IQCB1: variants seen among roughly 807,000 people sequenced by gnomAD.
IQCB1 encodes the protein IQ calmodulin-binding motif-containing protein 1.
IQCB1 carries 56 observed loss-of-function variants against 84.4 expected under a neutral mutation model. That is an observed-to-expected ratio of 0.66 (90% CI 0.54 to 0.83). The LOEUF (loss-of-function observed/expected upper bound fraction) is 0.83, where lower values mean the gene tolerates loss of function less well. IQCB1 is among the 40% of genes least tolerant of loss of function. The pLI is 0.00. For synonymous variants in IQCB1, 210 were observed against 234.8 expected, an observed-to-expected ratio of 0.89 and a Z score of 0.96; for missense variants, 629 against 682.1, an observed-to-expected ratio of 0.92 and a Z score of 0.87.
chr3:121,771,971 C>T (rs9681049), intron 14 of IQCB1, among the ~76,000 whole-genome samples: 42,310 of 151,762 alleles, frequency 0.28, 6,434 homozygotes, highest in Admixed American at 0.44. Flanking sequence ...GTCAAGAGAT[C>T]GAGACCATCC....
intron 13 of IQCB1, 55 bp from the exon 14 acceptor site, chr3:121,772,768 C>T (rs1948055887): frequency 3.2e-6 from 5 of 1,552,120 alleles, no homozygotes; most frequent in Middle Eastern, 1.8e-4. Flanking sequence ...TATCAAAGTA[C>T]CCAACCACTT....
At chr3:121,771,644 G>A (rs541116668) in intron 14 of IQCB1, among the ~76,000 whole-genome samples, 136 of 152,198 alleles carry the variant, frequency 8.9e-4, no homozygotes, top group Non-Finnish European at 1.5e-3. Flanking sequence ...TTTATTTAAA[G>A]AATAGAAACT....
At position 121,771,986 on chromosome 3, in the gene IQCB1, C is replaced by T. The variant is rs1433972870; in HGVS notation, c.1567+571G>A. ...GTCAAGAGATCGAGACCATCCTGGC[C>T]AACATGGTGAAACTCCGTCTCTACT... On this transcript the variant is annotated intron_variant, in intron 14 of 14. Coordinates refer to ENST00000310864, the MANE Select transcript of IQCB1 (RefSeq NM_001023570.4). Among the ~76,000 whole-genome samples, 3 of 152,094 alleles carry T rather than the reference C, an allele frequency of 2.0e-5. No homozygotes were observed. In the East Asian group the frequency reaches 5.8e-4, roughly 30 times the overall value.
At chr3:121,807,261 G>C in intron 7 of IQCB1, 83 bp downstream of exon 7, 1 of 760,228 alleles carries the variant, frequency 1.3e-6, no homozygotes, top group East Asian at 2.5e-5. Flanking sequence ...AATCATATGC[G>C]GTCAATTTTA....
chr3:121,782,070 C>G (rs1948519462), intron 12 of IQCB1, among the ~76,000 whole-genome samples, 196 bp from the exon 13 acceptor site: 1 of 151,884 alleles, frequency 6.6e-6, no homozygotes, highest in Non-Finnish European at 1.5e-5. Flanking sequence ...GTGCTTTTTA[C>G]AAGGATATAG....
rs577419185 is a variant in IQCB1, at chr3:121,772,859, C to T, written c.1411-146G>A. 9 of 758,610 alleles carry T rather than the reference C, an allele frequency of 1.2e-5. No homozygotes were observed. In the South Asian group the frequency reaches 1.4e-4, roughly 12 times the overall value. The allele number at this position is 758,610 out of a possible 1,614,324, so 47.0% of individuals were successfully genotyped here. A position where few individuals can be genotyped will look rare whatever the true frequency, so the allele number is the denominator to read the frequency against. ...TTGATGTCTATCTTGTACTCTTATG[C>T]AAGTATTAATTAGTCTCTTAAAAGT... is the stretch of plus-strand genomic sequence containing the variant. On this transcript the variant is annotated intron_variant, in intron 13 of 14. Transcript: ENST00000310864.
At chr3:121,832,516 G>A (rs1950681469) in intron 2 of IQCB1, among the ~76,000 whole-genome samples, 1 of 151,912 alleles carries the variant, frequency 6.6e-6, no homozygotes, top group Non-Finnish European at 1.5e-5. Flanking sequence ...TAGTAGAGAT[G>A]GGGTTTCACC....
intron 5 of IQCB1, among the ~76,000 whole-genome samples, chr3:121,825,010 C>T (rs1576614862): frequency 6.6e-6 from 1 of 151,610 alleles, no homozygotes; most frequent in Non-Finnish European, 1.5e-5. Flanking sequence ...CTGACATGCA[C>T]GAGTTTCAGT....
At chr3:121,800,012 A>T (rs796950163) in intron 7 of IQCB1, among the ~76,000 whole-genome samples, 9 of 151,978 alleles carry the variant, frequency 5.9e-5, no homozygotes, top group African/African-American at 2.2e-4. Flanking sequence ...CACTATTAAA[A>T]TACTTTACAA....
chr3:121,826,193 C>T lies in IQCB1; in HGVS notation c.264-13G>A. On this transcript the variant is annotated splice_polypyrimidine_tract_variant and intron_variant, in intron 4 of 14. Coordinates refer to ENST00000310864, the MANE Select transcript of IQCB1 (RefSeq NM_001023570.4). ...CACACAGCAATGGCTGAAATAAGAG[C>T]ACAAGTTCGTGTTAATTAGAAGTTT... The T allele has an allele frequency of 6.2e-7, 1 of 1,613,318 alleles. No homozygotes were observed. Among genetic ancestry groups the T allele is most frequent in the South Asian group, 1.1e-5 (1 of 91,054 alleles).
intron 13 of IQCB1, among the ~76,000 whole-genome samples, chr3:121,776,037 C>A (rs1216753631): frequency 7.2e-6 from 1 of 138,700 alleles, no homozygotes; most frequent in Admixed American, 7.6e-5. Flanking sequence ...TTTTGAGATT[C>A]ATCCACGTTT....
chr3:121,819,900 T>G (rs987271922), intron 5 of IQCB1, among the ~76,000 whole-genome samples: 32 of 152,102 alleles, frequency 2.1e-4, no homozygotes, highest in African/African-American at 7.2e-4. Context: ...ATAAAAAATT[T>G]TTGGTATTTC....
intron 7 of IQCB1, 108 bp downstream of exon 7, chr3:121,807,236 T>C (rs1949631504): frequency 1.4e-6 from 1 of 708,748 alleles, no homozygotes; most frequent in Non-Finnish European, 2.7e-6. Flanking sequence ...TATACTTGTA[T>C]ATACATTATA....
intron 2 of IQCB1, among the ~76,000 whole-genome samples, chr3:121,832,797 T>C (rs928467764): frequency 3.3e-5 from 5 of 152,216 alleles, no homozygotes; most frequent in African/African-American, 9.6e-5. Context: ...TAAGGTATTT[T>C]TGTGAATGGT....
chr3:121,794,630 CAATT>C (rs1446794609), intron 10 of IQCB1, among the ~76,000 whole-genome samples: 1 of 152,098 alleles, frequency 6.6e-6, no homozygotes, highest in African/African-American at 2.4e-5. Flanking sequence ...AAACGTTCAT[CAATT>C]AATAGGATAC....
chr3:121,783,778 C>T (rs1342681347), intron 12 of IQCB1, among the ~76,000 whole-genome samples: 2 of 152,048 alleles, frequency 1.3e-5, no homozygotes, highest in African/African-American at 4.8e-5. Flanking sequence ...TCATCTTTCC[C>T]TTGTGTTTCT....
chr3:121,832,740 A>G (rs1950692252), intron 2 of IQCB1, among the ~76,000 whole-genome samples: 1 of 152,138 alleles, frequency 6.6e-6, no homozygotes, highest in African/African-American at 2.4e-5. Flanking sequence ...ACATTCTCCA[A>G]ATCTTCATGT....
intron 5 of IQCB1, among the ~76,000 whole-genome samples, chr3:121,820,980 T>TTTTTTTC (rs1430808687): frequency 9.9e-5 from 2 of 20,286 alleles, no homozygotes; most frequent in African/African-American, 5.9e-4. Flanking sequence ...TGTTTTTTCC[T>TTTTTTTC]TTTTTTTCTT....
intron 13 of IQCB1, among the ~76,000 whole-genome samples, chr3:121,778,374 G>T (rs114546796): frequency 0.01 from 1,541 of 149,848 alleles, 17 homozygotes; most frequent in African/African-American, 0.035. Flanking sequence ...TGCAATATAG[G>T]CATGTAAATG....
Sources: gnomAD v4.1 joint callset for allele counts (sites outside exome capture counted in the v4.1 genomes callset) on GRCh38, gnomAD v4.1.1 for gene constraint, MANE v1.5 for transcripts, NCBI Gene and HGNC (gene_info 2026-07-23, HGNC 2026-07-21) for gene names.